Variants in SETD1B observed in about 807,000 individuals in gnomAD.
SETD1B encodes the protein SET domain containing 1B, histone lysine methyltransferase.
SETD1B carries 7 observed loss-of-function variants against 148.0 expected under a neutral mutation model. The observed-to-expected ratio is 0.05, with a 90% confidence interval of 0.03 to 0.09. The LOEUF is 0.09. Ranked by LOEUF, SETD1B falls within the 10% of genes least tolerant of loss-of-function variation. The pLI, the probability that SETD1B is intolerant of heterozygous loss-of-function variation, is 1.00. For missense variants in SETD1B, 2,155 were observed against 2,729.9 expected (o/e 0.79, Z 4.69); for synonymous variants, 1,361 against 1,186.5 (o/e 1.15, Z -3.02).
chr12:121,820,581 T>G (rs1294870516), intron 11 of SETD1B, among the ~76,000 whole-genome samples: 2 of 152,238 alleles, frequency 1.3e-5, no homozygotes, highest in African/African-American at 4.8e-5. Context: ...TCACCCAGGC[T>G]GGAGTGCAGT....
chr12:121,797,016 C>T, the SETD1B span, among the ~76,000 whole-genome samples: 95 of 147,874 alleles, frequency 6.4e-4, 1 homozygote, highest in African/African-American at 1.9e-3. Context: ...GCAACAAGAG[C>T]GAAACTCTGT....
rs1592988285 is a variant in SETD1B at position 121,822,997 on chromosome 12, C to G, written c.4418C>G (p.Pro1473Arg). 2.6e-6 allele frequency: 4 copies of G among 1,530,322 alleles called. No individual in the cohort carries two copies. Among genetic ancestry groups the G allele is most frequent in the Non-Finnish European group, 3.5e-6 (4 of 1,140,270 alleles). The allele number at this position is 1,530,322 out of a possible 1,614,324, so 94.8% of individuals were successfully genotyped here. A position where few individuals can be genotyped will look rare whatever the true frequency, so the allele number is the denominator to read the frequency against. Residue 1473 changes from proline (P) to arginine (R), a missense_variant, in exon 12 of 17, where the codon CCC becomes CGC. Coordinates refer to ENST00000604567, the MANE Select transcript of SETD1B (RefSeq NM_001353345.2). ...CCGGTGCTCCTGGAGACGGGCCTGC[C>G]CCTCCCTCTGCCCCTTCCCCTGCCC... ...ASPVLLETGL[P>R]LPLPLPLPLP...
chr12:121,826,437 C>G (rs76223601), intron 13 of SETD1B, among the ~76,000 whole-genome samples: 1,811 of 152,202 alleles, frequency 0.012, 28 homozygotes, highest in African/African-American at 0.041. Context: ...AAAGTTAAAA[C>G]CAGAGAGGGG....
Position 121,808,255 on chromosome 12 carries a change from AC to A in SETD1B, c.598del (p.Gln200ArgfsTer15). ...FYELLVTGRY[T>X]PQTLPVGELD... ...TGAACTGTTGGTCACTGGCCGATAC[AC>A]CCCCCAGACCCTCCCAGTGGGCGAG... On this transcript the variant is annotated frameshift_variant, in exon 5 of 17. Coordinates refer to ENST00000604567, the MANE Select transcript of SETD1B (RefSeq NM_001353345.2). LOFTEE classifies it high-confidence loss of function. The surrounding 1 kb of genome is among the most constrained non-coding windows in gnomAD (Gnocchi z 5.3). The A allele has an allele frequency of 1.3e-6, 2 of 1,548,906 alleles. No homozygotes were observed.
intron 10 of SETD1B, among the ~76,000 whole-genome samples, chr12:121,818,210 C>T (rs907042168): frequency 1.3e-5 from 2 of 152,108 alleles, no homozygotes; most frequent in Non-Finnish European, 2.9e-5. Flanking sequence ...GGGACCAGAT[C>T]GAGGTGGTGG....
chr12:121,797,056 T>G, the SETD1B span, among the ~76,000 whole-genome samples: 4 of 149,966 alleles, frequency 2.7e-5, no homozygotes, highest in Admixed American at 2.7e-4. Flanking sequence ...AAATTATTGC[T>G]GGACCTGCTC....
intron 7 of SETD1B, among the ~76,000 whole-genome samples, 193 bp downstream of exon 7, chr12:121,815,123 G>A (rs1031771247): frequency 1.3e-5 from 2 of 152,252 alleles, no homozygotes; most frequent in Admixed American, 6.5e-5. Flanking sequence ...AGATGCACAC[G>A]GCTCTTTGAA....
At position 121,814,875 on chromosome 12, in the gene SETD1B, T is replaced by C; in HGVS notation, c.2660T>C (p.Val887Ala). 6.5e-7 allele frequency: 1 copy of C among 1,550,300 alleles called. No homozygotes were observed. The highest frequency in any genetic ancestry group is 1.2e-5 in the South Asian group (1 of 84,032). Residue 887 changes from valine (V) to alanine (A), a missense_variant, in exon 7 of 17, where the codon GTG becomes GCG. Transcript: ENST00000604567. ...KRDLNRKMVE[V>A]VAFRAFDEWW... The stretch of plus-strand genomic sequence containing the variant: ...GACCTGAACCGCAAGATGGTGGAAG[T>C]GGTGGCTTTCCGGGCCTTTGACGAG...
intron 6 of SETD1B, among the ~76,000 whole-genome samples, chr12:121,812,561 G>A (rs563484996): frequency 6.6e-6 from 1 of 152,188 alleles, no homozygotes; most frequent in Non-Finnish European, 1.5e-5. Context: ...GGAGGGGCAG[G>A]GCCGGCCGGG....
At chr12:121,823,848 G>A (rs987032336) in intron 12 of SETD1B, 99 bp downstream of exon 12, 39 of 1,425,514 alleles carry the variant, frequency 2.7e-5, no homozygotes, top group Non-Finnish European at 3.5e-5. Context: ...AGCCCGCGGT[G>A]CCCATGAAGG....
the SETD1B span, among the ~76,000 whole-genome samples, chr12:121,790,385 C>T: frequency 6.6e-6 from 1 of 152,284 alleles, no homozygotes; most frequent in Admixed American, 6.5e-5. Flanking sequence ...CATTCCCTCA[C>T]CCTCTTGGCC....
In SETD1B at chr12:121,809,903, G is replaced by A. The variant is rs1398255970; in HGVS notation, c.958G>A (p.Ala320Thr). 5 of 1,550,700 alleles carry A rather than the reference G, an allele frequency of 3.2e-6. No homozygotes were observed. The highest frequency in any genetic ancestry group is 4.4e-6 in the Non-Finnish European group (5 of 1,146,958). Residue 320 changes from alanine (A) to threonine (T), a missense_variant, in exon 6 of 17, where the codon GCC becomes ACC. By Grantham distance (58) the Ala-to-Thr change is moderately conservative (BLOSUM62 0). Transcript: ENST00000604567. Reference sequence around the variant, plus strand: ...GCGCCACGAGAGCAAGTTCACGGACGCCTACAACCGCCGCCACGAACATCA... The same window carrying A: ...GCGCCACGAGAGCAAGTTCACGGACACCTACAACCGCCGCCACGAACATCA... ...ARRHESKFTD[A>T]YNRRHEHHYV...
rs1028362953 is a variant in SETD1B, at chr12:121,808,192, T to A, written c.545-16T>A. The A allele has an allele frequency of 5.8e-6, 9 of 1,544,410 alleles. No individual in the cohort carries two copies. The highest frequency in any genetic ancestry group is 1.4e-5 in the African/African-American group (1 of 72,822). On this transcript the variant is annotated splice_polypyrimidine_tract_variant and intron_variant, in intron 4 of 16. Coordinates refer to ENST00000604567, the MANE Select transcript of SETD1B (RefSeq NM_001353345.2). The surrounding 1 kb of genome is among the most constrained non-coding windows in gnomAD (Gnocchi z 5.3). The stretch of plus-strand genomic sequence containing the variant: ...CTGGAACCTCACTGAGTTCCCCCTT[T>A]CCTGCCCATCTACAGGGGAAACCCG...
chr12:121,829,704 T>C (rs1400580942), intron 16 of SETD1B, among the ~76,000 whole-genome samples: 2 of 152,244 alleles, frequency 1.3e-5, no homozygotes, highest in African/African-American at 4.8e-5. Context: ...AGAATGGATA[T>C]GGCTATGTGC....
chr12:121,806,078 A>G lies in SETD1B; in HGVS notation c.517A>G (p.Ile173Val). ...GCACAGCACTTCCGTCATGGGCAAC[A>G]TTATCCACGTGGAGCTGGACACCAA... is the stretch of plus-strand genomic sequence containing the variant. ...HLHSTSVMGN[I>V]IHVELDTKGE... The change falls in exon 4 of 17, where the codon ATT (isoleucine) becomes GTT (valine). Residue 173 changes from isoleucine (I) to valine (V), a missense_variant. Transcript: ENST00000604567. The G allele has an allele frequency of 6.4e-7, 1 of 1,551,606 alleles. No individual in the cohort carries two copies. The highest frequency in any genetic ancestry group is 8.7e-7 in the Non-Finnish European group (1 of 1,146,964).
chr12:121,808,106 G>A lies in SETD1B; in HGVS notation c.545-102G>A, dbSNP rs1011945990. 27 of 860,130 alleles carry A rather than the reference G, an allele frequency of 3.1e-5. No homozygotes were observed. The highest frequency in any genetic ancestry group is 6.6e-5 in the South Asian group (4 of 60,692). 53.3% of individuals were successfully genotyped at this position (860,130 alleles called of 1,614,324 possible). Reference sequence around the variant, plus strand: ...ACAGCCTCCCTAGGACTGGGGTCTCGGGCACAAGGGACCCACCAGGGTGCC... The same window carrying A: ...ACAGCCTCCCTAGGACTGGGGTCTCAGGCACAAGGGACCCACCAGGGTGCC... On this transcript the variant is annotated intron_variant, in intron 4 of 16. Transcript: ENST00000604567. The surrounding 1 kb of genome is among the most constrained non-coding windows in gnomAD (Gnocchi z 5.3).
chr12:121,793,508 G>GC, the SETD1B span: 1 of 1,542,732 alleles, frequency 6.5e-7, no homozygotes, highest in Non-Finnish European at 8.7e-7. Flanking sequence ...CGGGGAAGGA[G>GC]CCCTGGCTGT....
At chr12:121,801,772 G>A (rs1244990678), upstream of SETD1B, 2 of 152,212 alleles carry the variant, frequency 1.3e-5, no homozygotes, top group African/African-American at 4.8e-5. Context: ...GGGTTGGGTA[G>A]GCAAAAAGGC....
the SETD1B span, among the ~76,000 whole-genome samples, chr12:121,792,101 A>AG: frequency 1.3e-5 from 2 of 152,020 alleles, no homozygotes; most frequent in East Asian, 1.9e-4. Context: ...GTCGGAATGG[A>AG]GGGGGGCTCT....
Sources: gnomAD v4.1 joint callset for allele counts (sites outside exome capture counted in the v4.1 genomes callset) on GRCh38, gnomAD v4.1.1 for gene constraint, Gnocchi (gnomAD v3.1) non-coding constraint, MANE v1.5 for transcripts, NCBI Gene and HGNC (gene_info 2026-07-23, HGNC 2026-07-21) for gene names.